DPP8: variants seen among roughly 807,000 people sequenced by gnomAD.
DPP8 encodes dipeptidyl peptidase 8, also known as DPP VIII.
In DPP8, 31 loss-of-function variants were observed where a neutral mutation model predicts 107.5. The ratio of observed to expected loss-of-function variants is 0.29; its 90% CI spans 0.22 to 0.39. The LOEUF (loss-of-function observed/expected upper bound fraction) is 0.39. Among genes scored for constraint, DPP8 ranks in the 10% least tolerant of loss-of-function variants. The pLI is 1.00. For synonymous variants in DPP8, 381 were observed against 356.6 expected (o/e 1.07, Z -0.77); for missense variants, 842 against 1,076.1 (o/e 0.78, Z 3.04).
intron 12 of DPP8, among the ~76,000 whole-genome samples, chr15:65,470,195 CAAAAAAAAAAAA>C (rs11310623): frequency 1.0e-4 from 6 of 58,500 alleles, no homozygotes; most frequent in East Asian, 5.1e-4. Context: ...ACTCTTGTCT[CAAAAAAAAAAAA>C]AAAAAAAAAA....
chr15:65,460,637 G>GT (rs1299113944), intron 15 of DPP8, among the ~76,000 whole-genome samples: 1 of 152,192 alleles, frequency 6.6e-6, no homozygotes, highest in African/African-American at 2.4e-5. Flanking sequence ...AGGTTCATCA[G>GT]TGTTATACTA....
chr15:65,460,767 T>C (rs2064850871), intron 15 of DPP8, among the ~76,000 whole-genome samples: 1 of 152,260 alleles, frequency 6.6e-6, no homozygotes, highest in South Asian at 2.1e-4. Flanking sequence ...TTGGCTATTG[T>C]GCATAATGCT....
intron 1 of DPP8, among the ~76,000 whole-genome samples, chr15:65,514,796 C>A (rs1366688489): frequency 6.6e-6 from 1 of 152,208 alleles, no homozygotes; most frequent in Non-Finnish European, 1.5e-5. Context: ...AGGTGGGAGC[C>A]ACCGTGCCCG....
At chr15:65,484,381 C>T (rs970059846) in intron 8 of DPP8, among the ~76,000 whole-genome samples, 56 of 151,258 alleles carry the variant, frequency 3.7e-4, no homozygotes, top group Admixed American at 2.6e-4. Flanking sequence ...TGGGGGATGA[C>T]GGCTCAGGAG....
chr15:65,463,482 C>T (rs952153864), intron 15 of DPP8, among the ~76,000 whole-genome samples: 1 of 151,174 alleles, frequency 6.6e-6, no homozygotes, highest in African/African-American at 2.4e-5. Flanking sequence ...GCGGAGGTTG[C>T]AGTGAGCCGA....
intron 1 of DPP8, among the ~76,000 whole-genome samples, chr15:65,514,486 C>T (rs193211762): frequency 1.8e-4 from 27 of 152,232 alleles, no homozygotes; most frequent in Non-Finnish European, 2.5e-4. Flanking sequence ...CAAATGTCAA[C>T]GGAACCAGTT....
intron 12 of DPP8, among the ~76,000 whole-genome samples, chr15:65,468,314 G>A (rs1002709861): frequency 4.6e-5 from 7 of 152,040 alleles, no homozygotes; most frequent in African/African-American, 1.7e-4. Context: ...GGGCAAAATA[G>A]GGAGACCCCA....
intron 14 of DPP8, among the ~76,000 whole-genome samples, chr15:65,466,146 C>A (rs1222510573): frequency 6.6e-6 from 1 of 151,992 alleles, no homozygotes; most frequent in Non-Finnish European, 1.5e-5. Context: ...ATCTTATTTT[C>A]TTTATTTGTT....
At chr15:65,473,661 T>C (rs1018802198) in intron 12 of DPP8, among the ~76,000 whole-genome samples, 9 of 151,850 alleles carry the variant, frequency 5.9e-5, no homozygotes, top group African/African-American at 9.7e-5. Flanking sequence ...GAGCAAGACA[T>C]TGTCTCACAA....
At chr15:65,474,162 C>A in intron 12 of DPP8, 47 bp downstream of exon 12, 1 of 1,343,342 alleles carries the variant, frequency 7.4e-7, no homozygotes, top group South Asian at 1.2e-5. Context: ...GCACTGCATT[C>A]ACACAGTAAT....
At chr15:65,515,452 GATATT>G (rs1216864824) in intron 1 of DPP8, among the ~76,000 whole-genome samples, 2 of 152,068 alleles carry the variant, frequency 1.3e-5, no homozygotes, top group East Asian at 3.9e-4. Flanking sequence ...AAATATACCT[GATATT>G]ATATAATATT....
At chr15:65,464,736 A>G (rs984168700) in intron 14 of DPP8, among the ~76,000 whole-genome samples, 3 of 152,186 alleles carry the variant, frequency 2.0e-5, no homozygotes, top group African/African-American at 4.8e-5. Flanking sequence ...CAAAACAAAC[A>G]TATCAAATTA....
intron 4 of DPP8, 44 bp from the exon 5 acceptor site, chr15:65,498,076 CATACATGTT>C (rs2068787833): frequency 7.1e-7 from 1 of 1,402,446 alleles, no homozygotes; most frequent in African/African-American, 1.4e-5. Flanking sequence ...TAGGCTGACA[CATACATGTT>C]CCAGCACCCT....
chr15:65,476,983 A>C (rs894810830), intron 11 of DPP8, among the ~76,000 whole-genome samples: 5 of 152,208 alleles, frequency 3.3e-5, no homozygotes, highest in Non-Finnish European at 7.3e-5. Context: ...TAAGACATCT[A>C]GAGTAGTTAC....
intron 19 of DPP8, among the ~76,000 whole-genome samples, chr15:65,450,045 G>A (rs996265167): frequency 2.0e-5 from 3 of 151,716 alleles, no homozygotes; most frequent in Non-Finnish European, 4.4e-5. Context: ...TCAGCTGATC[G>A]CAACCTCTGC....
Position 65,496,218 on chromosome 15 carries a change from C to G in DPP8, c.715+1646G>C, listed in dbSNP as rs56136741. Among the ~76,000 whole-genome samples, 466 of 152,158 alleles carry G rather than the reference C, an allele frequency of 3.1e-3. 1 individual carries two copies. The highest frequency in any genetic ancestry group is 0.011 in the African/African-American group (449 of 41,534). On this transcript the variant is annotated intron_variant, in intron 5 of 19. Transcript: ENST00000300141. Reference sequence around the variant, plus strand: ...CAGGATGGTCTCGATCTCTTGACCTCGTGATCTGCCCGCCTCGGCCTTCCA... The same window carrying G: ...CAGGATGGTCTCGATCTCTTGACCTGGTGATCTGCCCGCCTCGGCCTTCCA...
intron 15 of DPP8, 93 bp from the exon 16 acceptor site, chr15:65,456,464 AC>A: frequency 8.0e-7 from 1 of 1,249,508 alleles, no homozygotes; most frequent in Non-Finnish European, 1.1e-6. Context: ...GCTTAATTTC[AC>A]TATTATTTTA....
chr15:65,450,921 A>G, intron 19 of DPP8, 78 bp downstream of exon 19: 1 of 917,614 alleles, frequency 1.1e-6, no homozygotes, highest in Admixed American at 2.1e-5. Flanking sequence ...ATCTGGACTT[A>G]CCCCACAGCT....
Position 65,494,629 on chromosome 15 carries a change from C to G in DPP8, c.715+3235G>C, listed in dbSNP as rs962605842. ...AGACTGCAGTGAGCCAATAGGAGACCCTGTCTCAAAAAAATTGAAAAAAAA... is the reference window on the plus strand; with the variant it reads ...AGACTGCAGTGAGCCAATAGGAGACGCTGTCTCAAAAAAATTGAAAAAAAA... On this transcript the variant is annotated intron_variant, in intron 5 of 19. Transcript: ENST00000300141. Among the ~76,000 whole-genome samples the G allele has an allele frequency of 6.9e-5, 8 of 115,946 alleles. No individual in the cohort carries two copies. In the East Asian group the frequency reaches 1.3e-3, roughly 19 times the overall value. 76.1% of individuals were successfully genotyped at this position (115,946 alleles called of 152,430 possible). A position where few individuals can be genotyped will look rare whatever the true frequency, so the allele number is the denominator to read the frequency against.
Sources: gnomAD v4.1 joint callset for allele counts (sites outside exome capture counted in the v4.1 genomes callset) on GRCh38, gnomAD v4.1.1 for gene constraint, MANE v1.5 for transcripts, NCBI Gene and HGNC (gene_info 2026-07-23, HGNC 2026-07-21) for gene names.